OR2L13: variants seen among roughly 807,000 people sequenced by gnomAD.
OR2L13 encodes olfactory receptor family 2 subfamily L member 13.
A neutral mutation model predicts 15.3 loss-of-function variants in OR2L13; 14 were observed. That is an observed-to-expected ratio of 0.91 (90% CI 0.60 to 1.43). The LOEUF (loss-of-function observed/expected upper bound fraction) is 1.43. OR2L13 is among the 40% of genes most tolerant of loss of function. OR2L13 has a pLI of 0.00. For missense variants in OR2L13, 367 were observed against 387.9 expected (o/e 0.95, Z 0.45); for synonymous variants, 152 against 142.9 (o/e 1.06, Z -0.45).
At chr1:248,061,322 C>T in the OR2L13 span, 1 of 1,613,744 alleles carries the variant, frequency 6.2e-7, no homozygotes, top group Non-Finnish European at 8.5e-7. Flanking sequence ...ATTGCTATTT[C>T]ATGTTCCTAT....
At chr1:248,092,151 AT>A (rs1028377532), upstream of OR2L13, among the ~76,000 whole-genome samples, 5 of 152,114 alleles carry the variant, frequency 3.3e-5, no homozygotes, top group African/African-American at 1.2e-4. Context: ...TGCTGAAGTT[AT>A]TTATCAAATC....
At chr1:248,095,290 C>T (rs1260360351), upstream of OR2L13, 1 of 152,192 alleles carries the variant, frequency 6.6e-6, no homozygotes, top group Non-Finnish European at 1.5e-5. Flanking sequence ...CTAAACACTG[C>T]ATATGCAAAC....
chr1:247,949,154 G>C, the OR2L13 span: 2 of 1,613,970 alleles, frequency 1.2e-6, no homozygotes, highest in Admixed American at 1.7e-5. Flanking sequence ...GTGGGATTCA[G>C]AGTTTCTTCT....
the OR2L13 span, among the ~76,000 whole-genome samples, chr1:248,018,050 G>C: frequency 3.3e-5 from 5 of 151,886 alleles, no homozygotes; most frequent in Non-Finnish European, 7.4e-5. Context: ...AGCTACTTGG[G>C]AGGCTGAGGC....
the OR2L13 span, chr1:247,939,791 T>C: frequency 9.2e-5 from 14 of 152,304 alleles, no homozygotes; most frequent in Middle Eastern, 6.8e-3. Context: ...TGTTTGTTTT[T>C]TCAATGCATG....
At chr1:248,001,497 G>T in the OR2L13 span, among the ~76,000 whole-genome samples, 2 of 151,342 alleles carry the variant, frequency 1.3e-5, no homozygotes, top group African/African-American at 4.9e-5. Context: ...TTCTTAGTTG[G>T]CTTAAATACC....
the OR2L13 span, among the ~76,000 whole-genome samples, chr1:248,010,455 G>A: frequency 6.6e-6 from 1 of 152,138 alleles, no homozygotes. Flanking sequence ...TTGGTGCAGA[G>A]CTGAGCTCTA....
chr1:248,065,334 T>G, the OR2L13 span, among the ~76,000 whole-genome samples: 1 of 152,190 alleles, frequency 6.6e-6, no homozygotes, highest in Non-Finnish European at 1.5e-5. Context: ...TAGAAATTTC[T>G]TAAGTATTAA....
chr1:248,047,068 G>C, the OR2L13 span, among the ~76,000 whole-genome samples: 1 of 152,120 alleles, frequency 6.6e-6, no homozygotes, highest in African/African-American at 2.4e-5. Context: ...AAATGGTTTT[G>C]AACCTAATTC....
chr1:248,021,934 C>T, the OR2L13 span: 1,046 of 1,596,196 alleles, frequency 6.6e-4, 9 homozygotes, highest in African/African-American at 0.011. Flanking sequence ...CAGGAAGGAT[C>T]GTATGAATGC....
the OR2L13 span, among the ~76,000 whole-genome samples, chr1:248,088,028 C>T: frequency 4.3e-4 from 66 of 152,224 alleles, no homozygotes; most frequent in African/African-American, 1.4e-3. Flanking sequence ...TACATTTACA[C>T]GCGTGCTATT....
At chr1:247,987,188 A>T in the OR2L13 span, among the ~76,000 whole-genome samples, 1 of 152,194 alleles carries the variant, frequency 6.6e-6, no homozygotes, top group Admixed American at 6.5e-5. Flanking sequence ...AATTGTTAGT[A>T]TATAGAAGTC....
At chr1:248,067,230 A>C in the OR2L13 span, among the ~76,000 whole-genome samples, 11 of 152,218 alleles carry the variant, frequency 7.2e-5, no homozygotes, top group African/African-American at 2.7e-4. Flanking sequence ...TCAGTATCAT[A>C]TTATAGCAGA....
At chr1:248,069,758 C>T in the OR2L13 span, among the ~76,000 whole-genome samples, 1 of 151,708 alleles carries the variant, frequency 6.6e-6, no homozygotes, top group African/African-American at 2.4e-5. Context: ...CACATAGGCT[C>T]AAAATAAAAG....
At chr1:247,998,887 C>T in the OR2L13 span, among the ~76,000 whole-genome samples, 3 of 151,648 alleles carry the variant, frequency 2.0e-5, no homozygotes, top group African/African-American at 7.3e-5. Flanking sequence ...TTAACAACCA[C>T]GCAGAGTTTT....
At chr1:248,000,959 G>A in the OR2L13 span, among the ~76,000 whole-genome samples, 1 of 151,662 alleles carries the variant, frequency 6.6e-6, no homozygotes, top group Non-Finnish European at 1.5e-5. Context: ...TTTGTTTTGG[G>A]TGATTAAAAA....
the OR2L13 span, among the ~76,000 whole-genome samples, chr1:248,048,119 T>C: frequency 3.9e-5 from 6 of 152,204 alleles, no homozygotes; most frequent in African/African-American, 9.7e-5. Context: ...TCAGTTTCTG[T>C]CTAGCCATGG....
the OR2L13 span, among the ~76,000 whole-genome samples, chr1:248,066,813 A>G: frequency 6.6e-6 from 1 of 152,198 alleles, no homozygotes; most frequent in Non-Finnish European, 1.5e-5. Flanking sequence ...TATGCATTCT[A>G]TAATTGTAAG....
the OR2L13 span, among the ~76,000 whole-genome samples, chr1:248,082,856 T>C: frequency 1.3e-5 from 2 of 152,218 alleles, no homozygotes; most frequent in Admixed American, 6.5e-5. Flanking sequence ...AGCATGATTA[T>C]GCAATTCAGA....
Sources: allele counts gnomAD v4.1 joint callset (sites outside exome capture counted in the v4.1 genomes callset), GRCh38; gene constraint gnomAD v4.1.1; transcripts MANE v1.5; gene names NCBI Gene and HGNC (gene_info 2026-07-23, HGNC 2026-07-21).